Variants in CYP24A1 observed in about 807,000 individuals in gnomAD.
CYP24A1 encodes cytochrome P450 family 24 subfamily A member 1, also known as 1,25-dihydroxyvitamin D(3) 24-hydroxylase, mitochondrial.
CYP24A1 carries 68 observed loss-of-function variants against 62.4 expected under a neutral mutation model. The observed-to-expected ratio is 1.09, with a 90% CI of 0.90 to 1.33. The LOEUF (loss-of-function observed/expected upper bound fraction) is 1.33, where lower values mean the gene tolerates loss of function less well. Ranked by LOEUF, CYP24A1 falls within the 40% of genes most tolerant of loss-of-function variation. The probability of loss-of-function intolerance (pLI) is 0.00; values close to 1 mark genes in which losing one functional copy is unlikely to be tolerated. For missense variants in CYP24A1, 787 were observed against 653.0 expected (o/e 1.21, Z -2.24); for synonymous variants, 267 against 253.0 (o/e 1.06, Z -0.52).
At chr20:54,146,081 C>T in the CYP24A1 span, among the ~76,000 whole-genome samples, 1 of 152,052 alleles carries the variant, frequency 6.6e-6, no homozygotes, top group African/African-American at 2.4e-5. Context: ...CATAAGCATC[C>T]TTAATAAAAT....
downstream of CYP24A1, among the ~76,000 whole-genome samples, chr20:54,148,724 A>G (rs1308218538): frequency 6.6e-6 from 1 of 152,232 alleles, no homozygotes; most frequent in Non-Finnish European, 1.5e-5. Flanking sequence ...GGGCAATCTG[A>G]ATATCAAAAT....
intron 2 of CYP24A1, 185 bp downstream of exon 2, chr20:54,172,724 G>T: frequency 2.2e-6 from 3 of 1,385,190 alleles, no homozygotes; most frequent in Non-Finnish European, 2.9e-6. Context: ...CGGCTTTTCC[G>T]TGGACCGACT....
chr20:54,158,242 G>T, intron 8 of CYP24A1, 78 bp from the exon 9 acceptor site: 1 of 1,596,100 alleles, frequency 6.3e-7, no homozygotes, highest in South Asian at 1.1e-5. Flanking sequence ...ATGCAGATTG[G>T]ATTAAATAAA....
intron 6 of CYP24A1, among the ~76,000 whole-genome samples, 173 bp downstream of exon 6, chr20:54,164,279 G>A (rs2092662909): frequency 6.6e-6 from 1 of 152,180 alleles, no homozygotes; most frequent in African/African-American, 2.4e-5. Flanking sequence ...GAAGACTACA[G>A]AAAGCTTGTT....
At chr20:54,149,868 C>A (rs2092610018), downstream of CYP24A1, among the ~76,000 whole-genome samples, 2 of 152,188 alleles carry the variant, frequency 1.3e-5, no homozygotes, top group Non-Finnish European at 2.9e-5. Flanking sequence ...CTCCTGATGC[C>A]CTTGGTGTGG....
chr20:54,164,754 A>G (rs2092665160), intron 5 of CYP24A1, among the ~76,000 whole-genome samples, 191 bp from the exon 6 acceptor site: 1 of 151,810 alleles, frequency 6.6e-6, no homozygotes, highest in Non-Finnish European at 1.5e-5. Context: ...CCTCCTTTCA[A>G]TATTGAAGGT....
In CYP24A1 at chr20:54,164,481, G is replaced by C. The variant is rs1413437455; in HGVS notation, c.815C>G (p.Thr272Ser). The C allele has an allele frequency of 7.4e-6, 12 of 1,614,092 alleles. No individual in the cohort carries two copies. Among genetic ancestry groups the C allele is most frequent in the Non-Finnish European group, 1.0e-5 (12 of 1,180,036 alleles). Residue 272 changes from threonine (T) to serine (S), a missense_variant, in exon 6 of 12, where the codon ACT becomes AGT. Transcript: ENST00000216862. Reference sequence around the variant, plus strand: ...TTTGAAAATGGTGTCCCAGGCCAGAGTGTGGTCCTGCCAGACCTTGGTGTT... The same window carrying C: ...TTTGAAAATGGTGTCCCAGGCCAGACTGTGGTCCTGCCAGACCTTGGTGTT... ...SLNTKVWQDH[T>S]LAWDTIFKSV...
intron 4 of CYP24A1, among the ~76,000 whole-genome samples, chr20:54,166,500 G>A (rs1421456679): frequency 6.6e-6 from 1 of 152,166 alleles, no homozygotes; most frequent in Non-Finnish European, 1.5e-5. Context: ...ATGCATACAA[G>A]TGTATACGTG....
At chr20:54,165,949 A>G in intron 4 of CYP24A1, 116 bp from the exon 5 acceptor site, 1 of 764,668 alleles carries the variant, frequency 1.3e-6, no homozygotes, top group South Asian at 1.5e-5. Context: ...GGATTTTCTG[A>G]GAAAAGGCAA....
chr20:54,158,509 G>C (rs1447531218), intron 8 of CYP24A1, among the ~76,000 whole-genome samples: 3 of 152,126 alleles, frequency 2.0e-5, no homozygotes, highest in Non-Finnish European at 4.4e-5. Context: ...TCACAAAGTT[G>C]ACAGTATCCT....
At chr20:54,160,309 C>G (rs1315525476) in intron 7 of CYP24A1, among the ~76,000 whole-genome samples, 3 of 152,198 alleles carry the variant, frequency 2.0e-5, no homozygotes, top group Admixed American at 2.0e-4. Context: ...TGGAAACAGC[C>G]AATGTAGCTT....
chr20:54,156,776 G>A (rs1034811432), intron 11 of CYP24A1, among the ~76,000 whole-genome samples: 1 of 152,144 alleles, frequency 6.6e-6, no homozygotes, highest in Non-Finnish European at 1.5e-5. Context: ...ATGTTCCAAG[G>A]TAGTATTAAG....
In CYP24A1 at chr20:54,162,759, C is replaced by A. The variant is rs368404770; in HGVS notation, c.948G>T (p.Leu316Phe). The A allele has an allele frequency of 8.1e-6, 13 of 1,598,230 alleles. No homozygotes were observed. The highest frequency in any genetic ancestry group is 8.6e-6 in the Non-Finnish European group (10 of 1,165,902). ...GCTGGAGCTCTGTGACAGCAGCATA[C>A]AATTCTTTCTTTGAAAGCCGATTCT... is the stretch of plus-strand genomic sequence containing the variant. Reference protein sequence around the residue: ...YHQNRLSKKELYAAVTELQLA... With the variant: ...YHQNRLSKKEFYAAVTELQLA... Residue 316 changes from leucine (L) to phenylalanine (F), a missense_variant, in exon 7 of 12, where the codon TTG (leucine) becomes TTT (phenylalanine). Coordinates refer to ENST00000216862, the MANE Select transcript of CYP24A1 (RefSeq NM_000782.5).
At chr20:54,168,853 TCCTTCCTTCCTTC>T (rs1179638567) in intron 4 of CYP24A1, among the ~76,000 whole-genome samples, 1 of 35,252 alleles carries the variant, frequency 2.8e-5, no homozygotes. Flanking sequence ...CCTTCTTCCT[TCCTTCCTTCCTTC>T]CTTCCTTCCT....
rs151204685 is a variant in CYP24A1, at chr20:54,173,487, C to A, written c.93G>T (p.Thr31=). 6 of 1,566,412 alleles carry A rather than the reference C, an allele frequency of 3.8e-6. No individual in the cohort carries two copies. The highest frequency in any genetic ancestry group is 3.5e-6 in the Non-Finnish European group (4 of 1,155,860). Residue 31 remains threonine (T), a synonymous_variant, in exon 1 of 12, where the codon ACG becomes ACT. Transcript: ENST00000216862. This position sits in a 1 kb window ranked among gnomAD's most constrained non-coding sequence, Gnocchi z 7.2. ...PRQPPRLVTS[T]AYTSPQPREV... ...CTCGCGGCTGAGGGGACGTGTACGC[C>A]GTAGATGTCACCAGTCTCGGGGGCT...
intron 11 of CYP24A1, among the ~76,000 whole-genome samples, chr20:54,155,322 A>G (rs2092623643): frequency 6.6e-6 from 1 of 152,192 alleles, no homozygotes; most frequent in African/African-American, 2.4e-5. Context: ...TTAACTTGCC[A>G]TTGGCAAACA....
At position 54,153,457 on chromosome 20, in the gene CYP24A1, A is replaced by G. The variant is rs2092616158; in HGVS notation, c.*1315T>C. The stretch of plus-strand genomic sequence containing the variant: ...AGAGGGGAAGTCTCTCAAATATTTA[A>G]AAACTTTTATTTTTACTTTCAGAGA... On this transcript the variant is annotated 3_prime_UTR_variant, in exon 12 of 12. Coordinates refer to ENST00000216862, the MANE Select transcript of CYP24A1 (RefSeq NM_000782.5). 6.6e-6 allele frequency: 1 copy of G among 152,232 alleles called. No homozygotes were observed. The highest frequency in any genetic ancestry group is 1.5e-5 in the Non-Finnish European group (1 of 68,046). 9.4% of individuals were successfully genotyped at this position (152,232 alleles called of 1,614,324 possible).
chr20:54,152,478 TGCTGGGGACAGCCCCTGTGGGATCTA>T (rs2092614132), downstream of CYP24A1, among the ~76,000 whole-genome samples: 1 of 152,194 alleles, frequency 6.6e-6, no homozygotes, highest in South Asian at 2.1e-4. Flanking sequence ...TGAATCCCGG[TGCTGGGGACAGCCCCTGTGGGATCTA>T]AGTCATCAAG....
chr20:54,149,044 G>C (rs1036113779), downstream of CYP24A1, among the ~76,000 whole-genome samples: 3 of 152,204 alleles, frequency 2.0e-5, no homozygotes, highest in Non-Finnish European at 2.9e-5. Flanking sequence ...GATGGCGTAA[G>C]AGCAGGGACA....
Sources: allele counts gnomAD v4.1 joint callset (sites outside exome capture counted in the v4.1 genomes callset), GRCh38; gene constraint gnomAD v4.1.1; non-coding constraint Gnocchi (gnomAD v3.1); transcripts MANE v1.5; gene names NCBI Gene and HGNC (gene_info 2026-07-23, HGNC 2026-07-21).